The following RAP1A variants were observed in gnomAD, a reference collection of about 807,000 sequenced individuals.
RAP1A encodes the protein ras-related protein Rap-1A.
In RAP1A, 6 loss-of-function variants were observed where a neutral mutation model predicts 26.4. The ratio of observed to expected loss-of-function variants is 0.23; its 90% CI spans 0.12 to 0.45. The LOEUF (loss-of-function observed/expected upper bound fraction) is 0.45. RAP1A is among the 20% of genes least tolerant of loss of function. The pLI is 0.99. For synonymous variants in RAP1A, 73 were observed against 79.4 expected (o/e 0.92, Z 0.43); for missense variants, 121 against 217.2 (o/e 0.56, Z 2.78).
intron 1 of RAP1A, among the ~76,000 whole-genome samples, chr1:111,578,722 T>A (rs1557856492): frequency 6.6e-6 from 1 of 152,206 alleles, no homozygotes; most frequent in Non-Finnish European, 1.5e-5. Flanking sequence ...CTGGGTATCC[T>A]AGAATCCAAT....
chr1:111,587,554 G>C (rs1230674783), intron 1 of RAP1A, among the ~76,000 whole-genome samples: 2 of 152,004 alleles, frequency 1.3e-5, no homozygotes, highest in East Asian at 3.9e-4. Flanking sequence ...CCCTCTACTT[G>C]ATCTTTCCTG....
intron 1 of RAP1A, among the ~76,000 whole-genome samples, chr1:111,679,381 GT>G (rs1252817418): frequency 9.2e-5 from 14 of 152,346 alleles, no homozygotes; most frequent in East Asian, 3.9e-4. Flanking sequence ...ATTTCCCACA[GT>G]TTTTGCAACC....
intron 1 of RAP1A, among the ~76,000 whole-genome samples, chr1:111,554,165 T>TTCTAGAAC (rs1657385330): frequency 6.6e-6 from 1 of 152,204 alleles, no homozygotes; most frequent in Admixed American, 6.5e-5. Flanking sequence ...TAGAAATAAT[T>TTCTAGAAC]ATAATGATAA....
rs1027561831 is a variant in RAP1A at position 111,690,061 on chromosome 1, ATT to A, written c.-27-1264_-27-1263del. 6.6e-5 allele frequency among the ~76,000 whole-genome samples: 10 copies of A among 150,684 alleles called. No individual in the cohort carries two copies. In the South Asian group the frequency reaches 2.1e-3, roughly 32 times the overall value. ...TAATTTTATATGGTTGAGTGGTGGA[ATT>A]TTTTTTTTCTGCTTCTTTTAAAGAA... On this transcript the variant is annotated intron_variant, in intron 1 of 7. Transcript: ENST00000369709.
chr1:111,646,432 AAACAAAAC>A (rs1359846401), intron 1 of RAP1A, among the ~76,000 whole-genome samples: 1 of 135,718 alleles, frequency 7.4e-6, no homozygotes, highest in Non-Finnish European at 1.5e-5. Context: ...AAAAAAAAAA[AAACAAAAC>A]AAAACCTCAA....
intron 1 of RAP1A, 28 bp downstream of exon 1, chr1:111,619,962 G>C (rs1183264906): frequency 2.5e-6 from 1 of 396,850 alleles, no homozygotes; most frequent in African/African-American, 2.1e-5. Flanking sequence ...AGCTCCAGAC[G>C]GCCCCAGAGG....
At chr1:111,712,108 A>G (rs563309618) in intron 7 of RAP1A, among the ~76,000 whole-genome samples, 3 of 152,270 alleles carry the variant, frequency 2.0e-5, no homozygotes, top group South Asian at 4.1e-4. Flanking sequence ...TAAAAATATC[A>G]TTGTCTTCCT....
intron 1 of RAP1A, among the ~76,000 whole-genome samples, chr1:111,681,474 A>G (rs1402314892): frequency 6.6e-6 from 1 of 152,224 alleles, no homozygotes. Flanking sequence ...AGGAACTGCT[A>G]ACTAGAATAA....
At chr1:111,588,129 G>C (rs1351946905) in intron 1 of RAP1A, among the ~76,000 whole-genome samples, 1 of 152,104 alleles carries the variant, frequency 6.6e-6, no homozygotes, top group Non-Finnish European at 1.5e-5. Flanking sequence ...CCTGCCTCAG[G>C]TGTCAAGCCA....
At chr1:111,698,298 G>A (rs1402170743) in intron 4 of RAP1A, among the ~76,000 whole-genome samples, 4 of 152,032 alleles carry the variant, frequency 2.6e-5, no homozygotes, top group Non-Finnish European at 4.4e-5. Context: ...CTTAAGAGAC[G>A]AGGTCTTGCT....
chr1:111,649,048 C>T, intron 1 of RAP1A: 2 of 618,656 alleles, frequency 3.2e-6, no homozygotes, highest in Non-Finnish European at 3.1e-6. Flanking sequence ...TCACTCTCCA[C>T]AGACTGGCAC....
intron 1 of RAP1A, among the ~76,000 whole-genome samples, chr1:111,690,294 ACT>A (rs1661629186): frequency 6.6e-6 from 1 of 152,074 alleles, no homozygotes; most frequent in Non-Finnish European, 1.5e-5. Flanking sequence ...GAACCATATG[ACT>A]CTGGGAATTG....
chr1:111,562,477 C>T (rs1657779580), intron 1 of RAP1A, among the ~76,000 whole-genome samples: 1 of 152,124 alleles, frequency 6.6e-6, no homozygotes, highest in Non-Finnish European at 1.5e-5. Context: ...GCATTTGTGT[C>T]CATCAGATTT....
At chr1:111,567,063 G>T (rs1657932954) in intron 1 of RAP1A, among the ~76,000 whole-genome samples, 1 of 152,098 alleles carries the variant, frequency 6.6e-6, no homozygotes, top group South Asian at 2.1e-4. Context: ...TCAGCTGATG[G>T]GTTATGGGCA....
intron 1 of RAP1A, among the ~76,000 whole-genome samples, chr1:111,667,943 G>C (rs181026081): frequency 6.6e-6 from 1 of 152,150 alleles, no homozygotes; most frequent in African/African-American, 2.4e-5. Flanking sequence ...CAGACATAGA[G>C]GATAGGAGAC....
At position 111,704,400 on chromosome 1, in the gene RAP1A, A is replaced by G; in HGVS notation, c.382A>G (p.Lys128Glu). The change falls in exon 6 of 8, where the codon AAA becomes GAA. Residue 128 changes from lysine (K) to glutamate (E), a missense_variant. By Grantham distance (56) the Lys-to-Glu change is moderately conservative. Coordinates refer to ENST00000369709, the MANE Select transcript of RAP1A (RefSeq NM_002884.4). Reference protein sequence around the residue: ...CDLEDERVVGKEQGQNLARQW... With the variant: ...CDLEDERVVGEEQGQNLARQW... ...CCTGGAAGATGAGCGAGTAGTTGGC[A>G]AAGAGCAGGGCCAGAATTTAGCAAG... is the stretch of plus-strand genomic sequence containing the variant. 6.2e-7 allele frequency: 1 copy of G among 1,613,992 alleles called. No individual in the cohort carries two copies. The highest frequency in any genetic ancestry group is 8.5e-7 in the Non-Finnish European group (1 of 1,179,942).
intron 1 of RAP1A, among the ~76,000 whole-genome samples, chr1:111,646,574 T>C (rs1660074735): frequency 6.6e-6 from 1 of 152,078 alleles, no homozygotes; most frequent in Non-Finnish European, 1.5e-5. Context: ...GGAGTCTCAC[T>C]CTGTCCCCTA....
chr1:111,677,973 G>A (rs1209509900), intron 1 of RAP1A, among the ~76,000 whole-genome samples: 2 of 152,090 alleles, frequency 1.3e-5, no homozygotes, highest in Admixed American at 6.5e-5. Flanking sequence ...GCTGTGTTTC[G>A]ACTTCTGGAC....
At chr1:111,564,886 C>A (rs1189155156) in intron 1 of RAP1A, among the ~76,000 whole-genome samples, 1 of 152,062 alleles carries the variant, frequency 6.6e-6, no homozygotes, top group Non-Finnish European at 1.5e-5. Flanking sequence ...AAAAGCCCCC[C>A]ATGCTTGCTA....
Sources: allele counts gnomAD v4.1 joint callset (sites outside exome capture counted in the v4.1 genomes callset), GRCh38; gene constraint gnomAD v4.1.1; transcripts MANE v1.5; gene names NCBI Gene and HGNC (gene_info 2026-07-23, HGNC 2026-07-21).